The following SEMA6D variants were observed in gnomAD, a reference collection of about 807,000 sequenced individuals.
SEMA6D encodes semaphorin-6D.
Under a neutral mutation model 106.6 loss-of-function variants are expected in SEMA6D, and 35 were observed. That is an observed-to-expected ratio of 0.33 (90% CI 0.25 to 0.44). The LOEUF (loss-of-function observed/expected upper bound fraction) is 0.44, where lower values mean the gene tolerates loss of function less well. Ranked by LOEUF, SEMA6D falls within the 20% of genes least tolerant of loss-of-function variation. SEMA6D has a pLI of 1.00. For missense variants in SEMA6D, 1,185 were observed against 1,345.9 expected, an observed-to-expected ratio of 0.88 and a Z score of 1.87; for synonymous variants, 499 against 487.7, an observed-to-expected ratio of 1.02 and a Z score of -0.31.
At chr15:47,728,771 G>A (rs533851245) in intron 1 of SEMA6D, among the ~76,000 whole-genome samples, 1 of 152,088 alleles carries the variant, frequency 6.6e-6, no homozygotes, top group Non-Finnish European at 1.5e-5. Context: ...TCTCACACGT[G>A]ACCCTTTTCC....
Position 47,427,968 on chromosome 15 carries a change from C to T in SEMA6D, c.-159+15496C>T, listed in dbSNP as rs976069064. Reference sequence around the variant, plus strand: ...GAAAAGATAAATAGAATGGGGTATACGAAACAAGATAATCTAATAAATTTC... The same window carrying T: ...GAAAAGATAAATAGAATGGGGTATATGAAACAAGATAATCTAATAAATTTC... On this transcript the variant is annotated intron_variant, in intron 2 of 19. Coordinates refer to the SEMA6D transcript ENST00000558014. Among the ~76,000 whole-genome samples, 66 of 151,886 alleles carry T rather than the reference C, an allele frequency of 4.3e-4. 1 individual carries two copies. Among genetic ancestry groups the T allele is most frequent in the African/African-American group, 1.4e-3 (57 of 41,338 alleles).
intron 4 of SEMA6D, among the ~76,000 whole-genome samples, chr15:47,671,410 G>A (rs2078135057): frequency 6.6e-6 from 1 of 152,184 alleles, no homozygotes; most frequent in Non-Finnish European, 1.5e-5. Flanking sequence ...TCAACATAAT[G>A]AGAAAGCCTA....
At chr15:47,316,120 T>G in intron 1 of SEMA6D, among the ~76,000 whole-genome samples, 1 of 146,428 alleles carries the variant, frequency 6.8e-6, no homozygotes, top group Non-Finnish European at 1.5e-5. Context: ...TGAGACAGAA[T>G]CTTGTTCTGT....
chr15:47,262,888 A>G (rs1430839853), intron 1 of SEMA6D, among the ~76,000 whole-genome samples: 1 of 152,148 alleles, frequency 6.6e-6, no homozygotes, highest in Admixed American at 6.5e-5. Context: ...CTCAGAAATA[A>G]GGTCATACAC....
At position 47,268,210 on chromosome 15, in the gene SEMA6D, C is replaced by A. The variant is rs551848592; in HGVS notation, c.-239+83792C>A. On this transcript the variant is annotated intron_variant, in intron 1 of 19. Coordinates refer to the SEMA6D transcript ENST00000558014. Reference sequence around the variant, plus strand: ...TTAAAGAGTACTAATGCCTGAGATTCTCACTTAATTGCACTGAGATATGGC... The same window carrying A: ...TTAAAGAGTACTAATGCCTGAGATTATCACTTAATTGCACTGAGATATGGC... Among the ~76,000 whole-genome samples, 32 of 152,256 alleles carry A rather than the reference C, an allele frequency of 2.1e-4. No homozygotes were observed. The South Asian group carries it at 5.6e-3, about 27-fold the overall frequency.
chr15:47,641,713 C>T (rs1312540217), intron 4 of SEMA6D, among the ~76,000 whole-genome samples: 2 of 152,138 alleles, frequency 1.3e-5, no homozygotes, highest in African/African-American at 4.8e-5. Flanking sequence ...GCCTTTACAC[C>T]TCTTGCCCTT....
intron 1 of SEMA6D, among the ~76,000 whole-genome samples, chr15:47,304,395 G>A (rs973061147): frequency 6.6e-5 from 9 of 136,156 alleles, no homozygotes; most frequent in Non-Finnish European, 1.2e-4. Flanking sequence ...GCAGTGAGCT[G>A]AGATCATGCC....
chr15:47,294,303 A>C (rs1182849952), intron 1 of SEMA6D, among the ~76,000 whole-genome samples: 1 of 151,722 alleles, frequency 6.6e-6, no homozygotes, highest in Non-Finnish European at 1.5e-5. Flanking sequence ...AGCTCACTGC[A>C]ACCTCTACCT....
At chr15:47,189,162 T>G (rs917457095) in intron 1 of SEMA6D, among the ~76,000 whole-genome samples, 2 of 152,186 alleles carry the variant, frequency 1.3e-5, no homozygotes, top group Non-Finnish European at 2.9e-5. Flanking sequence ...TCCCTTTCTC[T>G]TTCTCTTTTC....
chr15:47,471,931 T>TCTCACACACACACA (rs1555445502), intron 3 of SEMA6D, among the ~76,000 whole-genome samples: 6 of 121,436 alleles, frequency 4.9e-5, no homozygotes, highest in African/African-American at 1.4e-4. Context: ...TCTCTCTCTC[T>TCTCACACACACACA]CACACACACA....
intron 4 of SEMA6D, among the ~76,000 whole-genome samples, chr15:47,632,034 C>T (rs2077301736): frequency 6.6e-6 from 1 of 151,774 alleles, no homozygotes; most frequent in South Asian, 2.1e-4. Flanking sequence ...GAGACTTTCA[C>T]TTTGACCATG....
At chr15:47,526,639 C>G (rs369591840) in intron 3 of SEMA6D, among the ~76,000 whole-genome samples, 1 of 152,292 alleles carries the variant, frequency 6.6e-6, no homozygotes, top group East Asian at 1.9e-4. Context: ...GCCAGCTTTT[C>G]TCCCCTGCCA....
intron 1 of SEMA6D, among the ~76,000 whole-genome samples, chr15:47,210,142 A>G (rs1175935899): frequency 2.6e-5 from 4 of 152,200 alleles, no homozygotes; most frequent in Non-Finnish European, 5.9e-5. Flanking sequence ...ATTAAATCCC[A>G]TACCATTTTC....
At chr15:47,574,690 T>C (rs779052201) in intron 3 of SEMA6D, among the ~76,000 whole-genome samples, 1 of 152,218 alleles carries the variant, frequency 6.6e-6, no homozygotes, top group Non-Finnish European at 1.5e-5. Context: ...TCTACTTATT[T>C]GTGCCATAAT....
At chr15:47,422,373 G>C (rs2041200351) in intron 2 of SEMA6D, among the ~76,000 whole-genome samples, 1 of 151,994 alleles carries the variant, frequency 6.6e-6, no homozygotes, top group African/African-American at 2.4e-5. Context: ...AAACAGATAA[G>C]TTTCCAAGCT....
intron 1 of SEMA6D, chr15:47,412,262 TA>T (rs939224294): frequency 1.3e-5 from 2 of 152,466 alleles, no homozygotes; most frequent in Admixed American, 1.3e-4. Flanking sequence ...CAGCTGTGTT[TA>T]AGAGGTCTTA....
intron 3 of SEMA6D, among the ~76,000 whole-genome samples, chr15:47,509,397 T>C (rs570299015): frequency 1.3e-5 from 2 of 152,304 alleles, no homozygotes; most frequent in South Asian, 4.1e-4. Context: ...GACAGCTTGG[T>C]CTAGTGGCTT....
At chr15:47,662,816 G>A (rs1737594799) in intron 4 of SEMA6D, among the ~76,000 whole-genome samples, 2 of 148,958 alleles carry the variant, frequency 1.3e-5, no homozygotes, top group African/African-American at 5.0e-5. Flanking sequence ...GAGAGAAAAA[G>A]GAGATAGAAG....
rs1396286007 is a variant in SEMA6D, at chr15:47,772,805, C to CCCG, written c.*1022_*1023insGCC. 9.1e-6 allele frequency: 1 copy of CCCG among 109,960 alleles called. No homozygotes were observed. The highest frequency in any genetic ancestry group is 3.4e-5 in the African/African-American group (1 of 29,176). The allele number at this position is 109,960 out of a possible 1,614,324, so 6.8% of individuals were successfully genotyped here. ...TTTTATTTTGATTGTGTTCGTTTCC[C>CCCG]CCCCCCCAATAGTAAAATTTCTCCT... is the stretch of plus-strand genomic sequence containing the variant. On this transcript the variant is annotated 3_prime_UTR_variant, in exon 19 of 19. Coordinates refer to ENST00000536845, the MANE Select transcript of SEMA6D (RefSeq NM_001358351.3).
Sources: allele counts gnomAD v4.1 joint callset (sites outside exome capture counted in the v4.1 genomes callset), GRCh38; gene constraint gnomAD v4.1.1; transcripts MANE v1.5; gene names NCBI Gene and HGNC (gene_info 2026-07-23, HGNC 2026-07-21).